Variants in ITGA8 observed in about 807,000 individuals in gnomAD.
ITGA8 encodes the protein integrin subunit alpha 8.
In ITGA8, 91 loss-of-function variants were observed where a neutral mutation model predicts 142.3. That is an observed-to-expected ratio of 0.64 (90% CI 0.54 to 0.76). The LOEUF (loss-of-function observed/expected upper bound fraction) is 0.76. Among genes scored for constraint, ITGA8 ranks in the 30% least tolerant of loss-of-function variants. The pLI, the probability that ITGA8 is intolerant of heterozygous loss-of-function variation, is 0.00. For missense variants in ITGA8, 1,406 were observed against 1,327.7 expected, an observed-to-expected ratio of 1.06 and a Z score of -0.92; for synonymous variants, 505 against 485.2, an observed-to-expected ratio of 1.04 and a Z score of -0.54.
rs199819015 is a variant in ITGA8, at chr10:15,621,440, A to T, written c.1400-4881T>A. ...GAGATGCATTACACCTATGTTTTGT[A>T]TTTTATTTCTTGCAAATCGTTATTT... is the stretch of plus-strand genomic sequence containing the variant. On this transcript the variant is annotated intron_variant, in intron 13 of 29. Coordinates refer to ENST00000378076, the MANE Select transcript of ITGA8 (RefSeq NM_003638.3). Among the ~76,000 whole-genome samples, 4 of 152,292 alleles carry T rather than the reference A, an allele frequency of 2.6e-5. No homozygotes were observed. In the East Asian group the frequency reaches 7.7e-4, roughly 29 times the overall value.
intron 11 of ITGA8, among the ~76,000 whole-genome samples, chr10:15,652,713 G>T (rs567858547): frequency 3.9e-5 from 6 of 152,276 alleles, no homozygotes; most frequent in African/African-American, 1.4e-4. Flanking sequence ...CTGCTTTCAG[G>T]ATAAGATTGA....
At chr10:15,644,846 C>T (rs1281972596) in intron 12 of ITGA8, among the ~76,000 whole-genome samples, 1 of 151,896 alleles carries the variant, frequency 6.6e-6, no homozygotes, top group South Asian at 2.1e-4. Context: ...GTAATCCCAG[C>T]ACTTTGGGAG....
At chr10:15,641,684 G>T (rs569538942) in intron 13 of ITGA8, among the ~76,000 whole-genome samples, 2 of 152,088 alleles carry the variant, frequency 1.3e-5, no homozygotes, top group African/African-American at 4.8e-5. Context: ...CAGCATTGAC[G>T]GGCCTGCCTT....
intron 23 of ITGA8, 65 bp downstream of exon 23, chr10:15,586,519 C>T: frequency 2.2e-6 from 2 of 922,978 alleles, no homozygotes; most frequent in Non-Finnish European, 3.5e-6. Flanking sequence ...ACATCATTTT[C>T]ACTAGTATTT....
At chr10:15,562,758 T>C (rs1427480795) in intron 25 of ITGA8, among the ~76,000 whole-genome samples, 1 of 152,140 alleles carries the variant, frequency 6.6e-6, no homozygotes, top group Non-Finnish European at 1.5e-5. Context: ...AGGCCTTGGA[T>C]AGCCCAGCAC....
In ITGA8 at chr10:15,572,365, T is replaced by C; in HGVS notation, c.2483A>G (p.His828Arg). ...GPLVEHIYEL[H>R]NIGPSTISDT... The stretch of plus-strand genomic sequence containing the variant: ...ACTGATGGTACTTGGTCCAATATTG[T>C]GCAGCTGTAAACAAGTGACATGTTA... Residue 828 changes from histidine (H) to arginine (R), a missense_variant, in exon 25 of 30, where the codon CAC becomes CGC. Transcript: ENST00000378076. The C allele has an allele frequency of 6.2e-7, 1 of 1,613,656 alleles. No individual in the cohort carries two copies. The highest frequency in any genetic ancestry group is 8.5e-7 in the Non-Finnish European group (1 of 1,179,788).
At chr10:15,680,153 C>A (rs1457585277) in intron 4 of ITGA8, among the ~76,000 whole-genome samples, 1 of 141,500 alleles carries the variant, frequency 7.1e-6, no homozygotes, top group East Asian at 2.2e-4. Flanking sequence ...CCGGTTTTTT[C>A]TTTCCTTTGG....
chr10:15,695,831 T>G (rs1435366609), intron 2 of ITGA8, among the ~76,000 whole-genome samples: 1 of 152,152 alleles, frequency 6.6e-6, no homozygotes, highest in Non-Finnish European at 1.5e-5. Context: ...CGGTGACAGA[T>G]GTGATGTTCT....
rs879203047 is a variant in ITGA8 at position 15,519,493 on chromosome 10, G to A, written c.2983-81C>T. ...AAATAGTAATTACCAGTACAACATC[G>A]GAAGTTGATCTGAAAGGATCCATAT... On this transcript the variant is annotated intron_variant, in intron 28 of 29. Transcript: ENST00000378076. 3.6e-5 allele frequency: 52 copies of A among 1,452,988 alleles called. 1 individual carries two copies. Among genetic ancestry groups the A allele is most frequent in the South Asian group, 3.3e-4 (28 of 85,858 alleles). The allele number at this position is 1,452,988 out of a possible 1,614,324, so 90.0% of individuals were successfully genotyped here.
chr10:15,526,890 A>G (rs1833185601), intron 28 of ITGA8, among the ~76,000 whole-genome samples: 1 of 152,210 alleles, frequency 6.6e-6, no homozygotes, highest in African/African-American at 2.4e-5. Context: ...TATGGAGGAA[A>G]GACCATAAAT....
intron 13 of ITGA8, among the ~76,000 whole-genome samples, chr10:15,629,257 A>G (rs1232578067): frequency 6.6e-6 from 1 of 151,964 alleles, no homozygotes; most frequent in Non-Finnish European, 1.5e-5. Context: ...GAAAAGTTAC[A>G]TGCCTCCCCC....
chr10:15,668,737 T>C (rs1834447869), intron 8 of ITGA8, among the ~76,000 whole-genome samples: 1 of 152,180 alleles, frequency 6.6e-6, no homozygotes, highest in Non-Finnish European at 1.5e-5. Flanking sequence ...TCTCTCAGCA[T>C]TTGCTTGTCT....
intron 20 of ITGA8, 127 bp downstream of exon 20, chr10:15,604,080 CA>C (rs1404095596): frequency 3.7e-6 from 3 of 817,122 alleles, no homozygotes. Context: ...TATGATTTAA[CA>C]AAAGAAGGTA....
At chr10:15,605,357 GA>G (rs1219519209) in intron 19 of ITGA8, among the ~76,000 whole-genome samples, 2 of 152,112 alleles carry the variant, frequency 1.3e-5, no homozygotes, top group East Asian at 3.8e-4. Flanking sequence ...ATGGGGTGCT[GA>G]AAAAAAGTTT....
At chr10:15,587,687 A>G (rs745731743) in intron 22 of ITGA8, among the ~76,000 whole-genome samples, 3 of 150,576 alleles carry the variant, frequency 2.0e-5, no homozygotes, top group Non-Finnish European at 4.4e-5. Flanking sequence ...TTAGGAGATG[A>G]CATGGATATT....
In ITGA8 at chr10:15,517,144, C is replaced by CT. The variant is rs527255216; in HGVS notation, c.*13dup. The CT allele has an allele frequency of 9.7e-4, 1,496 of 1,546,322 alleles. No homozygotes were observed. The highest frequency in any genetic ancestry group is 1.4e-3 in the Middle Eastern group (8 of 5,912). On this transcript the variant is annotated 3_prime_UTR_variant, in exon 30 of 30. Coordinates refer to ENST00000378076, the MANE Select transcript of ITGA8 (RefSeq NM_003638.3). ...ACCAGTGTTTGAGGTCTTTGGTCTT[C>CT]TTTTTTTTTCTTGTCATGCCTCAGG...
intron 2 of ITGA8, among the ~76,000 whole-genome samples, chr10:15,708,426 G>A (rs536790106): frequency 6.6e-6 from 1 of 152,162 alleles, no homozygotes; most frequent in East Asian, 1.9e-4. Context: ...CAGGTTGGGG[G>A]ACTGAGTGTT....
intron 23 of ITGA8, among the ~76,000 whole-genome samples, chr10:15,584,424 G>A (rs771126848): frequency 1.6e-4 from 24 of 152,324 alleles, no homozygotes; most frequent in African/African-American, 5.3e-4. Context: ...TCAGGGGACC[G>A]CAAGTTAAAC....
intron 11 of ITGA8, among the ~76,000 whole-genome samples, chr10:15,655,116 G>A (rs1038006359): frequency 2.6e-5 from 4 of 151,986 alleles, no homozygotes; most frequent in Admixed American, 6.6e-5. Context: ...AAAATAAAAC[G>A]AAATAAAATA....
Sources: gnomAD v4.1 joint callset for allele counts (sites outside exome capture counted in the v4.1 genomes callset) on GRCh38, gnomAD v4.1.1 for gene constraint, MANE v1.5 for transcripts, NCBI Gene and HGNC (gene_info 2026-07-23, HGNC 2026-07-21) for gene names.